Variants in CDH4 observed in about 807,000 individuals in gnomAD.
CDH4 encodes cadherin-4.
In CDH4, 33 loss-of-function variants were observed where a neutral mutation model predicts 86.0. The ratio of observed to expected loss-of-function variants is 0.38; its 90% CI spans 0.29 to 0.51. The LOEUF (loss-of-function observed/expected upper bound fraction) is 0.51, where lower values mean the gene tolerates loss of function less well. Among genes scored for constraint, CDH4 ranks in the 20% least tolerant of loss-of-function variants. The pLI, the probability that CDH4 is intolerant of heterozygous loss-of-function variation, is 0.86. For synonymous variants in CDH4, 555 were observed against 549.4 expected (o/e 1.01, Z -0.14); for missense variants, 1,114 against 1,307.4 (o/e 0.85, Z 2.28).
At chr20:61,854,977 GGTGC>G (rs1417821106) in intron 6 of CDH4, among the ~76,000 whole-genome samples, 44 of 130,170 alleles carry the variant, frequency 3.4e-4, no homozygotes, top group Admixed American at 6.7e-4. Context: ...CACCCCCAGG[GGTGC>G]AGTGTGAACA....
chr20:61,792,217 G>A (rs1251210818), intron 4 of CDH4, among the ~76,000 whole-genome samples: 1 of 152,130 alleles, frequency 6.6e-6, no homozygotes, highest in African/African-American at 2.4e-5. Flanking sequence ...AGAGGCAGGT[G>A]GAGGAAAGGG....
At chr20:61,672,240 C>T (rs150277023) in intron 2 of CDH4, among the ~76,000 whole-genome samples, 2 of 148,656 alleles carry the variant, frequency 1.3e-5, no homozygotes, top group Non-Finnish European at 3.0e-5. Flanking sequence ...CATGGATGAT[C>T]GTATCGGTAG....
At chr20:61,351,395 A>G (rs6028147) in intron 2 of CDH4, among the ~76,000 whole-genome samples, 28,388 of 152,202 alleles carry the variant, frequency 0.19, 2,749 homozygotes, top group Middle Eastern at 0.34. Context: ...ATTTCGTATC[A>G]GGGACTTGGG....
Position 61,873,911 on chromosome 20 carries a change from G to T in CDH4, c.1050+11G>T, listed in dbSNP as rs778851851. 2 of 1,612,090 alleles carry T rather than the reference G, an allele frequency of 1.2e-6. No homozygotes were observed. The highest frequency in any genetic ancestry group is 2.2e-5 in the East Asian group (1 of 44,874). ...GGCCTGGACCGAGAGGTGAGGCGGG[G>T]TGGGGTCTGCGTGCAGGCGGGTGAG... On this transcript the variant is annotated intron_variant, in intron 7 of 15. Coordinates refer to ENST00000614565, the MANE Select transcript of CDH4 (RefSeq NM_001794.5).
chr20:61,585,466 A>G (rs2086461693), intron 2 of CDH4, among the ~76,000 whole-genome samples: 1 of 152,250 alleles, frequency 6.6e-6, no homozygotes, highest in Non-Finnish European at 1.5e-5. Context: ...TAAAATGCCT[A>G]TTATTTTGTG....
intron 2 of CDH4, among the ~76,000 whole-genome samples, chr20:61,331,500 C>T (rs1397913174): frequency 1.3e-5 from 2 of 151,468 alleles, no homozygotes. Context: ...TCCAGCATGT[C>T]CCCCACCAGA....
intron 2 of CDH4, among the ~76,000 whole-genome samples, chr20:61,667,706 G>C (rs967981707): frequency 1.3e-5 from 2 of 152,188 alleles, no homozygotes; most frequent in Non-Finnish European, 2.9e-5. Context: ...GCAATGGAAG[G>C]GGTCGGGCTG....
intron 2 of CDH4, among the ~76,000 whole-genome samples, chr20:61,431,541 G>A (rs2085246695): frequency 6.6e-6 from 1 of 151,718 alleles, no homozygotes; most frequent in Non-Finnish European, 1.5e-5. Context: ...TGTATTTTTT[G>A]TAGAGACAGG....
At chr20:61,647,572 T>TCC (rs1491402930) in intron 2 of CDH4, among the ~76,000 whole-genome samples, 1 of 109,402 alleles carries the variant, frequency 9.1e-6, no homozygotes, top group African/African-American at 3.9e-5. Flanking sequence ...TCCCTCTCCC[T>TCC]CCCTCCCCCT....
intron 2 of CDH4, among the ~76,000 whole-genome samples, chr20:61,266,866 A>C (rs760458360): frequency 6.6e-6 from 1 of 152,294 alleles, no homozygotes; most frequent in Non-Finnish European, 1.5e-5. Flanking sequence ...ATTTGGAGAA[A>C]GGGTCTTTGC....
chr20:61,803,265 C>T (rs1268427494), intron 4 of CDH4, among the ~76,000 whole-genome samples: 3 of 152,188 alleles, frequency 2.0e-5, no homozygotes, highest in East Asian at 3.9e-4. Context: ...CGGCACAATC[C>T]GCCCGGGCTG....
At chr20:61,707,878 G>A (rs2087849043) in intron 2 of CDH4, among the ~76,000 whole-genome samples, 1 of 152,204 alleles carries the variant, frequency 6.6e-6, no homozygotes, top group Non-Finnish European at 1.5e-5. Context: ...GGCTCTTCCT[G>A]TGTCCTGATC....
chr20:61,677,679 A>AGACG (rs1216291591), intron 2 of CDH4, among the ~76,000 whole-genome samples: 3 of 148,096 alleles, frequency 2.0e-5, no homozygotes, highest in Non-Finnish European at 4.5e-5. Context: ...GTGGGTGGAC[A>AGACG]GACGGACGGA....
intron 2 of CDH4, among the ~76,000 whole-genome samples, chr20:61,383,713 A>G (rs138171248): frequency 0.032 from 3,998 of 126,592 alleles, 188 homozygotes; most frequent in African/African-American, 0.052. Flanking sequence ...AATGTATATG[A>G]TATATGATAT....
In CDH4 at chr20:61,770,995, CTTTTTTCT is replaced by C. The variant is rs1276523107; in HGVS notation, c.397-1993_397-1986del. Reference sequence around the variant, plus strand: ...CATTTTCATGTATTTTCTTACATTTCTTTTTTCTTTTTTTCTTTTTTTTTTTTTTTTTG... The same window carrying C: ...CATTTTCATGTATTTTCTTACATTTCTTTTTTCTTTTTTTTTTTTTTTTTG... On this transcript the variant is annotated intron_variant, in intron 3 of 15. Transcript: ENST00000614565. Among the ~76,000 whole-genome samples the C allele has an allele frequency of 9.0e-5, 13 of 144,882 alleles. No homozygotes were observed. The South Asian group carries it at 1.1e-3, about 12-fold the overall frequency.
chr20:61,741,212 AAAC>A lies in CDH4; in HGVS notation c.170-2336_170-2334del, dbSNP rs796875003. ...CAGCAGAGCAAGACTCCATCTCAAA[AAAC>A]AACAACAACAACAAAATCTAGAAAG... On this transcript the variant is annotated intron_variant, in intron 2 of 15. Coordinates refer to ENST00000614565, the MANE Select transcript of CDH4 (RefSeq NM_001794.5). Among the ~76,000 whole-genome samples the A allele has an allele frequency of 1.5e-3, 234 of 152,252 alleles. 3 individuals carry two copies. The highest frequency in any genetic ancestry group is 5.2e-3 in the African/African-American group (217 of 41,552).
chr20:61,514,522 CT>C (rs372225163), intron 2 of CDH4, among the ~76,000 whole-genome samples: 142 of 152,298 alleles, frequency 9.3e-4, no homozygotes, highest in African/African-American at 3.3e-3. Context: ...TATCATGTTA[CT>C]CATTTACTTC....
At chr20:61,559,521 T>TTTTC (rs1204644967) in intron 2 of CDH4, among the ~76,000 whole-genome samples, 1 of 125,070 alleles carries the variant, frequency 8.0e-6, no homozygotes, top group Non-Finnish European at 1.6e-5. Flanking sequence ...TTTTTTTTCT[T>TTTTC]TTTTTTTTTT....
At chr20:61,801,066 T>TG (rs371438841) in intron 4 of CDH4, among the ~76,000 whole-genome samples, 5 of 152,278 alleles carry the variant, frequency 3.3e-5, no homozygotes, top group African/African-American at 1.2e-4. Context: ...GGCTTGGTTT[T>TG]CGGTGGGGGC....
Sources: gnomAD v4.1 joint callset for allele counts (sites outside exome capture counted in the v4.1 genomes callset) on GRCh38, gnomAD v4.1.1 for gene constraint, MANE v1.5 for transcripts, NCBI Gene and HGNC (gene_info 2026-07-23, HGNC 2026-07-21) for gene names.